Variants in NCOR1 observed in about 807,000 individuals in gnomAD.
NCOR1 encodes nuclear receptor corepressor 1, also known as protein phosphatase 1, regulatory subunit 109.
NCOR1 carries 63 observed loss-of-function variants against 288.1 expected under a neutral mutation model. The ratio of observed to expected loss-of-function variants is 0.22; its 90% CI spans 0.18 to 0.27. NCOR1 has a LOEUF of 0.27. Ranked by LOEUF, NCOR1 falls within the 10% of genes least tolerant of loss-of-function variation. The pLI, the probability that NCOR1 is intolerant of heterozygous loss-of-function variation, is 1.00. For missense variants in NCOR1, 2,397 were observed against 3,019.2 expected, an observed-to-expected ratio of 0.79 and a Z score of 4.83; for synonymous variants, 1,007 against 1,065.9, an observed-to-expected ratio of 0.94 and a Z score of 1.08.
chr17:16,044,810 G>C (rs2058386226), intron 42 of NCOR1: 2 of 1,101,904 alleles, frequency 1.8e-6, no homozygotes, highest in East Asian at 2.4e-5. Context: ...CTACAATGTA[G>C]GGGCTGGTGG....
chr17:16,082,951 T>C (rs1233785097), intron 23 of NCOR1, among the ~76,000 whole-genome samples: 3 of 152,180 alleles, frequency 2.0e-5, no homozygotes, highest in Non-Finnish European at 1.5e-5. Context: ...AGTAAAATAC[T>C]GAATGCCTTC....
chr17:16,126,328 G>T, intron 14 of NCOR1, 122 bp from the exon 15 acceptor site: 1 of 1,009,334 alleles, frequency 9.9e-7, no homozygotes, highest in Non-Finnish European at 1.4e-6. Flanking sequence ...CAATGTAACT[G>T]GTGATCGTGT....
intron 27 of NCOR1, among the ~76,000 whole-genome samples, chr17:16,073,954 T>A (rs1017293062): frequency 6.6e-6 from 1 of 152,128 alleles, no homozygotes; most frequent in African/African-American, 2.4e-5. Context: ...GAGGAAGCAA[T>A]GTGTAAGCTG....
intron 14 of NCOR1, among the ~76,000 whole-genome samples, chr17:16,133,714 C>T (rs1358681183): frequency 6.6e-6 from 1 of 152,180 alleles, no homozygotes; most frequent in Admixed American, 6.5e-5. Context: ...TGGATCTCTG[C>T]TTAGACACCT....
intron 1 of NCOR1, among the ~76,000 whole-genome samples, chr17:16,200,605 G>A (rs1187458251): frequency 2.6e-5 from 4 of 151,596 alleles, no homozygotes; most frequent in Non-Finnish European, 5.9e-5. Context: ...CACAATAGAG[G>A]TGAAGCCTAC....
chr17:16,044,807 G>A, intron 42 of NCOR1: 1 of 1,101,876 alleles, frequency 9.1e-7, no homozygotes, highest in East Asian at 2.4e-5. Flanking sequence ...CATCTACAAT[G>A]TAGGGGCTGG....
chr17:16,194,590 C>A lies in NCOR1; in HGVS notation c.-21G>T, dbSNP rs753621592. 2 of 1,454,794 alleles carry A rather than the reference C, an allele frequency of 1.4e-6. No individual in the cohort carries two copies. Among genetic ancestry groups the A allele is most frequent in the Middle Eastern group, 3.5e-4 (2 of 5,756 alleles). The allele number at this position is 1,454,794 out of a possible 1,614,324, so 90.1% of individuals were successfully genotyped here. A position where few individuals can be genotyped will look rare whatever the true frequency, so the allele number is the denominator to read the frequency against. ...GACATTATCAGTAAAGAAGTCCTCA[C>A]CAGACTGTGAGATCAATGCCAATAA... is the stretch of plus-strand genomic sequence containing the variant. On this transcript the variant is annotated 5_prime_UTR_variant, in exon 2 of 46. Coordinates refer to ENST00000268712, the MANE Select transcript of NCOR1 (RefSeq NM_006311.4).
At chr17:16,113,526 A>G (rs1319285919) in intron 18 of NCOR1, among the ~76,000 whole-genome samples, 1 of 152,188 alleles carries the variant, frequency 6.6e-6, no homozygotes, top group African/African-American at 2.4e-5. Flanking sequence ...AAACTCACCA[A>G]GTGTCACTTC....
chr17:16,136,679 C>T (rs1488191280), intron 14 of NCOR1, among the ~76,000 whole-genome samples: 2 of 151,688 alleles, frequency 1.3e-5, no homozygotes, highest in African/African-American at 2.4e-5. Flanking sequence ...TGGTGGCAGG[C>T]GCCTGTAGTC....
At chr17:16,168,212 T>C (rs1183267395) in intron 4 of NCOR1, among the ~76,000 whole-genome samples, 1 of 152,200 alleles carries the variant, frequency 6.6e-6, no homozygotes, top group Non-Finnish European at 1.5e-5. Context: ...TTTATTTTTA[T>C]TTTTTGAGAT....
At chr17:16,131,974 T>A (rs191295168) in intron 14 of NCOR1, among the ~76,000 whole-genome samples, 1 of 152,236 alleles carries the variant, frequency 6.6e-6, no homozygotes, top group African/African-American at 2.4e-5. Context: ...TAGAGTCACA[T>A]AGGTACAATT....
rs561194363 is a variant in NCOR1, at chr17:16,194,295, G to A, written c.108+167C>T. Among the ~76,000 whole-genome samples, 50 of 143,914 alleles carry A rather than the reference G, an allele frequency of 3.5e-4. No homozygotes were observed. The East Asian group carries it at 7.6e-3, about 22-fold the overall frequency. 94.4% of individuals were successfully genotyped at this position (143,914 alleles called of 152,430 possible). ...ATCAGCATAAAGCCACAGTAAGACA[G>A]AAATAATTAATTCCCAATCTTTGGT... On this transcript the variant is annotated intron_variant, in intron 2 of 45. Coordinates refer to ENST00000268712, the MANE Select transcript of NCOR1 (RefSeq NM_006311.4).
intron 22 of NCOR1, chr17:16,087,033 G>A: frequency 5.4e-6 from 3 of 550,986 alleles, no homozygotes; most frequent in African/African-American, 2.0e-5. Flanking sequence ...AACTGATGAT[G>A]GAACGCAGAG....
chr17:16,054,070 TAAAAAAA>T (rs752015595), intron 40 of NCOR1, among the ~76,000 whole-genome samples: 43 of 72,124 alleles, frequency 6.0e-4, no homozygotes, highest in Non-Finnish European at 1.1e-3. Context: ...GACTTAAATG[TAAAAAAA>T]AAAAAAAAAA....
rs1568202691 is a variant in NCOR1 at position 16,127,463 on chromosome 17, G to GTATGTGTATATATACA, written c.1510-1258_1510-1257insTGTATATATACACATA. Among the ~76,000 whole-genome samples, 61 of 50,044 alleles carry GTATGTGTATATATACA rather than the reference G, an allele frequency of 1.2e-3. 2 individuals carry two copies. Among genetic ancestry groups the GTATGTGTATATATACA allele is most frequent in the African/African-American group, 3.5e-3 (58 of 16,434 alleles). The allele number at this position is 50,044 out of a possible 152,430, so 32.8% of individuals were successfully genotyped here. A position where few individuals can be genotyped will look rare whatever the true frequency, so the allele number is the denominator to read the frequency against. On this transcript the variant is annotated intron_variant, in intron 14 of 45. Coordinates refer to ENST00000268712, the MANE Select transcript of NCOR1 (RefSeq NM_006311.4). Reference sequence around the variant, plus strand: ...TATATATGTGTATATGTATATATACGTGTATGTGTATATATACACGTGTGT... The same window carrying GTATGTGTATATATACA: ...TATATATGTGTATATGTATATATACGTATGTGTATATATACATGTATGTGTATATATACACGTGTGT...
intron 21 of NCOR1, among the ~76,000 whole-genome samples, chr17:16,094,613 G>T (rs561033282): frequency 6.6e-6 from 1 of 151,634 alleles, no homozygotes; most frequent in Non-Finnish European, 1.5e-5. Context: ...CTCTCATGCC[G>T]AGCCAAAGCT....
At chr17:16,160,734 G>A (rs1480232480) in intron 5 of NCOR1, among the ~76,000 whole-genome samples, 2 of 152,182 alleles carry the variant, frequency 1.3e-5, no homozygotes, top group East Asian at 3.9e-4. Flanking sequence ...GGAGGTTGCA[G>A]TGAGCCAAGA....
intron 14 of NCOR1, among the ~76,000 whole-genome samples, chr17:16,130,207 A>G (rs2153224296): frequency 6.6e-6 from 1 of 152,344 alleles, no homozygotes; most frequent in East Asian, 1.9e-4. Context: ...CCTTTGTGCA[A>G]TATGCATAAA....
In NCOR1 at chr17:16,121,418, T is replaced by C. The variant is rs1397922940; in HGVS notation, c.1635-149A>G. On this transcript the variant is annotated intron_variant, in intron 15 of 45. Transcript: ENST00000268712. ...AAAAAAATTATCAACAATTCTGCCATACCATAGTTTTTAAAAGTTTTGACC... is the reference window on the plus strand; with the variant it reads ...AAAAAAATTATCAACAATTCTGCCACACCATAGTTTTTAAAAGTTTTGACC... 3.3e-5 allele frequency: 21 copies of C among 645,182 alleles called. No homozygotes were observed. In the African/African-American group the frequency reaches 3.9e-4, roughly 12 times the overall value. The allele number at this position is 645,182 out of a possible 1,614,324, so 40.0% of individuals were successfully genotyped here. A position where few individuals can be genotyped will look rare whatever the true frequency, so the allele number is the denominator to read the frequency against.
Sources: gnomAD v4.1 joint callset for allele counts (sites outside exome capture counted in the v4.1 genomes callset) on GRCh38, gnomAD v4.1.1 for gene constraint, MANE v1.5 for transcripts, NCBI Gene and HGNC (gene_info 2026-07-23, HGNC 2026-07-21) for gene names.